Variants in CRX observed in about 807,000 individuals in gnomAD.
The protein encoded by CRX is cone-rod homeobox.
A neutral mutation model predicts 13.1 loss-of-function variants in CRX; 5 were observed. The ratio of observed to expected loss-of-function variants is 0.38; its 90% CI spans 0.20 to 0.80. The LOEUF is 0.80. Ranked by LOEUF, CRX falls within the 30% of genes least tolerant of loss-of-function variation. The probability of loss-of-function intolerance (pLI) is 0.43; values close to 1 mark genes in which losing one functional copy is unlikely to be tolerated. For synonymous variants in CRX, 179 were observed against 171.1 expected, an observed-to-expected ratio of 1.05 and a Z score of -0.36; for missense variants, 351 against 391.8, an observed-to-expected ratio of 0.90 and a Z score of 0.88.
At chr19:47,828,809 T>C (rs1968008204) in intron 1 of CRX, among the ~76,000 whole-genome samples, 1 of 151,644 alleles carries the variant, frequency 6.6e-6, no homozygotes, top group Admixed American at 6.6e-5. Flanking sequence ...TCCATCCTAA[T>C]GAGGGCAATG....
chr19:47,826,264 G>A (rs1967974060), intron 1 of CRX, among the ~76,000 whole-genome samples: 1 of 152,150 alleles, frequency 6.6e-6, no homozygotes, highest in Admixed American at 6.6e-5. Context: ...CAGCCTGTGT[G>A]TGATCCCGGG....
At chr19:47,836,478 G>A in intron 3 of CRX, 84 bp downstream of exon 3, 13 of 1,572,856 alleles carry the variant, frequency 8.3e-6, no homozygotes, top group Non-Finnish European at 1.0e-5. Context: ...ATGGGAGGAG[G>A]GAGAGATCAC....
In CRX at chr19:47,827,090, G is replaced by A. The variant is rs73941286; in HGVS notation, c.-36+5080G>A. Among the ~76,000 whole-genome samples the A allele has an allele frequency of 5.9e-4, 90 of 152,298 alleles. 2 individuals are homozygous for A. The highest frequency in any genetic ancestry group is 2.0e-3 in the African/African-American group (84 of 41,566). Reference sequence around the variant, plus strand: ...CTGCAATATCCTGTTGGTTACACACGTCAGCCAGCTTGTTAGTAGGGACTA... The same window carrying A: ...CTGCAATATCCTGTTGGTTACACACATCAGCCAGCTTGTTAGTAGGGACTA... On this transcript the variant is annotated intron_variant, in intron 1 of 3. Coordinates refer to ENST00000221996, the MANE Select transcript of CRX (RefSeq NM_000554.6).
chr19:47,824,989 G>GTTT (rs1568620994), intron 1 of CRX, among the ~76,000 whole-genome samples: 5 of 57,964 alleles, frequency 8.6e-5, no homozygotes, highest in African/African-American at 1.6e-4. Flanking sequence ...TCGATTGATT[G>GTTT]ATTTTTTTTT....
At chr19:47,823,945 C>T (rs867842065) in intron 1 of CRX, among the ~76,000 whole-genome samples, 5 of 152,158 alleles carry the variant, frequency 3.3e-5, no homozygotes, top group Non-Finnish European at 7.3e-5. Flanking sequence ...CCACCACACC[C>T]GGCCGAGTCT....
chr19:47,838,068 TTAGA>T (rs141550874), intron 3 of CRX, among the ~76,000 whole-genome samples: 1,915 of 152,250 alleles, frequency 0.013, 46 homozygotes, highest in African/African-American at 0.044. Context: ...GCACATATGA[TTAGA>T]TAGATTAGTG....
rs1968185166 is a variant in CRX at position 47,840,703 on chromosome 19, C to CTTA, written c.*738_*739insATT. On this transcript the variant is annotated 3_prime_UTR_variant, in exon 4 of 4. Transcript: ENST00000221996. ...CAGGCGTGAGCCACCGCGCCCGGCC[C>CTTA]TTTTTTTTTTTTTTTTTTTTAATTG... The CTTA allele has an allele frequency of 1.0e-5, 1 of 97,142 alleles. No homozygotes were observed. Among genetic ancestry groups the CTTA allele is most frequent in the Non-Finnish European group, 1.9e-5 (1 of 51,310 alleles). 6.0% of individuals were successfully genotyped at this position (97,142 alleles called of 1,614,324 possible). A position where few individuals can be genotyped will look rare whatever the true frequency, so the allele number is the denominator to read the frequency against.
intron 3 of CRX, among the ~76,000 whole-genome samples, chr19:47,837,381 G>C (rs1489875397): frequency 6.6e-6 from 1 of 152,112 alleles, no homozygotes; most frequent in African/African-American, 2.4e-5. Flanking sequence ...TGGCCAGGCT[G>C]GTCTCAAACT....
intron 1 of CRX, among the ~76,000 whole-genome samples, chr19:47,828,907 C>T: frequency 8.8e-6 from 1 of 114,224 alleles, no homozygotes; most frequent in Non-Finnish European, 2.1e-5. Flanking sequence ...CACACACACA[C>T]ACACACACAC....
rs752458888 is a variant in CRX, at chr19:47,834,480, G to C, written c.37G>C (p.Val13Leu). The C allele has an allele frequency of 2.1e-5, 34 of 1,614,026 alleles. No individual in the cohort carries two copies. Among genetic ancestry groups the C allele is most frequent in the South Asian group, 4.4e-5 (4 of 91,080 alleles). ...AYMNPGPHYS[V>L]NALALSGPSV... is the part of the protein sequence containing the mutation. ...TATGAACCCGGGGCCCCACTATTCTGTCAACGCCTTGGCCCTAAGTGGCCC... is the reference window on the plus strand; with the variant it reads ...TATGAACCCGGGGCCCCACTATTCTCTCAACGCCTTGGCCCTAAGTGGCCC... Residue 13 changes from valine (V) to leucine (L), a missense_variant, in exon 2 of 4, where the codon GTC (valine) becomes CTC (leucine). Physicochemically the swap from Val to Leu is conservative, Grantham distance 32. This residue lies in a region of CRX where 95 missense variants were observed against 106.7 expected (regional missense o/e 0.89). Transcript: ENST00000221996.
chr19:47,834,732 G>T (rs1447323625), intron 2 of CRX, among the ~76,000 whole-genome samples, 189 bp downstream of exon 2: 4 of 152,214 alleles, frequency 2.6e-5, no homozygotes, highest in African/African-American at 4.8e-5. Context: ...CAGGACAGAG[G>T]TTCCTTTTGG....
At chr19:47,827,135 G>C (rs1402208466) in intron 1 of CRX, among the ~76,000 whole-genome samples, 1 of 152,170 alleles carries the variant, frequency 6.6e-6, no homozygotes, top group Non-Finnish European at 1.5e-5. Flanking sequence ...TGAATATCAG[G>C]GGGTAAGGAT....
At chr19:47,832,122 T>TTTTTTTTTC (rs1968056905) in intron 1 of CRX, among the ~76,000 whole-genome samples, 1 of 144,246 alleles carries the variant, frequency 6.9e-6, no homozygotes, top group Non-Finnish European at 1.5e-5. Context: ...TTTTTTTTTT[T>TTTTTTTTTC]TGAGACGGAG....
At chr19:47,835,529 C>A (rs1294868553) in intron 2 of CRX, among the ~76,000 whole-genome samples, 1 of 150,884 alleles carries the variant, frequency 6.6e-6, no homozygotes, top group Non-Finnish European at 1.5e-5. Context: ...GGATTACAGG[C>A]GCACACCACC....
Position 47,838,648 on chromosome 19 carries a change from CAGAT to C in CRX, c.253-667_253-664del, listed in dbSNP as rs1452162972. Reference sequence around the variant, plus strand: ...TGTGTATGATGTATGTATGTATGATCAGATAGATGGGTAAACGTATGCATGATGT... The same window carrying C: ...TGTGTATGATGTATGTATGTATGATCAGATGGGTAAACGTATGCATGATGT... On this transcript the variant is annotated intron_variant, in intron 3 of 3. Coordinates refer to ENST00000221996, the MANE Select transcript of CRX (RefSeq NM_000554.6). Among the ~76,000 whole-genome samples, 5 of 152,134 alleles carry C rather than the reference CAGAT, an allele frequency of 3.3e-5. No homozygotes were observed. The South Asian group carries it at 6.2e-4, about 19-fold the overall frequency.
chr19:47,828,612 A>AGT lies in CRX; in HGVS notation c.-35-5796_-35-5795insTG, dbSNP rs113277135. Among the ~76,000 whole-genome samples, 1,460 of 149,616 alleles carry AGT rather than the reference A, an allele frequency of 9.8e-3. 25 individuals are homozygous for AGT. Among genetic ancestry groups the AGT allele is most frequent in the African/African-American group, 0.034 (1,381 of 40,496 alleles). ...GTGTCTTGAAGAAAAGGAGGTAGGG[A>AGT]GCGTGTGTGTGTGTGTGTAAAATCC... is the stretch of plus-strand genomic sequence containing the variant. On this transcript the variant is annotated intron_variant, in intron 1 of 3. Coordinates refer to ENST00000221996, the MANE Select transcript of CRX (RefSeq NM_000554.6).
Position 47,839,982 on chromosome 19 carries a change from A to G in CRX, c.*15A>G, listed in dbSNP as rs369336775. Reference sequence around the variant, plus strand: ...AGATCTTGTAGAGGACGCAGTCTCCATCTCTCTCCATCGGGCCTCGGGACC... The same window carrying G: ...AGATCTTGTAGAGGACGCAGTCTCCGTCTCTCTCCATCGGGCCTCGGGACC... On this transcript the variant is annotated 3_prime_UTR_variant, in exon 4 of 4. Coordinates refer to ENST00000221996, the MANE Select transcript of CRX (RefSeq NM_000554.6). This position sits in a 1 kb window ranked among gnomAD's most constrained non-coding sequence, Gnocchi z 4.6. The G allele has an allele frequency of 9.3e-6, 15 of 1,611,842 alleles. No individual in the cohort carries two copies. Among genetic ancestry groups the G allele is most frequent in the Admixed American group, 6.7e-5 (4 of 59,990 alleles).
At chr19:47,823,649 G>GTTTC (rs1967938868) in intron 1 of CRX, among the ~76,000 whole-genome samples, 1 of 129,572 alleles carries the variant, frequency 7.7e-6, no homozygotes, top group African/African-American at 3.0e-5. Flanking sequence ...CATGAGTCTG[G>GTTTC]TTTTTTTTTT....
At position 47,839,420 on chromosome 19, in the gene CRX, A is replaced by G; in HGVS notation, c.353A>G (p.Lys118Arg). ...GGCCAGGCCAAGGCCCGGCCTGCCA[A>G]GAGGAAGGCGGGCACGTCCCCAAGA... Reference protein sequence around the residue: ...PGGQAKARPAKRKAGTSPRPS... With the variant: ...PGGQAKARPARRKAGTSPRPS... The change falls in exon 4 of 4, where the codon AAG (lysine) becomes AGG (arginine). Residue 118 changes from lysine to arginine, a missense_variant. By Grantham distance (26) the Lys-to-Arg change is conservative. Around this residue, in one of 3 missense-constraint regions of CRX, gnomAD observed 253 missense variants for 268.3 expected, o/e 0.94. Transcript: ENST00000221996. The surrounding 1 kb of genome is among the most constrained non-coding windows in gnomAD (Gnocchi z 4.6). The G allele has an allele frequency of 6.2e-7, 1 of 1,613,834 alleles. No individual in the cohort carries two copies. Among genetic ancestry groups the G allele is most frequent in the South Asian group, 1.1e-5 (1 of 91,080 alleles).
Sources: gnomAD v4.1 joint callset for allele counts (sites outside exome capture counted in the v4.1 genomes callset) on GRCh38, gnomAD v4.1.1 for gene constraint, gnomAD v4.1.1 regional missense constraint, Gnocchi (gnomAD v3.1) non-coding constraint, MANE v1.5 for transcripts, NCBI Gene and HGNC (gene_info 2026-07-23, HGNC 2026-07-21) for gene names.